Variants in ME1 observed in about 807,000 individuals in gnomAD.
The protein encoded by ME1 is NADP-dependent malic enzyme.
Under a neutral mutation model 66.4 loss-of-function variants are expected in ME1, and 74 were observed. The ratio of observed to expected loss-of-function variants is 1.11; its 90% CI spans 0.92 to 1.35. The LOEUF (loss-of-function observed/expected upper bound fraction) is 1.35, where lower values mean the gene tolerates loss of function less well. Among genes scored for constraint, ME1 ranks in the 40% most tolerant of loss-of-function variants. ME1 has a pLI of 0.00. For missense variants in ME1, 750 were observed against 694.1 expected (o/e 1.08, Z -0.90); for synonymous variants, 251 against 235.6 (o/e 1.07, Z -0.60).
intron 7 of ME1, among the ~76,000 whole-genome samples, chr6:83,247,181 T>C (rs1790639950): frequency 6.6e-6 from 1 of 152,150 alleles, no homozygotes; most frequent in South Asian, 2.1e-4. Context: ...TAGAGTGTCA[T>C]GTTACAGAGT....
chr6:83,400,520 A>G (rs1769818796), intron 2 of ME1, among the ~76,000 whole-genome samples: 1 of 152,162 alleles, frequency 6.6e-6, no homozygotes, highest in African/African-American at 2.4e-5. Flanking sequence ...TCTAACACTC[A>G]TGTGAAATAC....
chr6:83,280,343 G>A (rs1317820535), intron 6 of ME1, among the ~76,000 whole-genome samples: 1 of 152,108 alleles, frequency 6.6e-6, no homozygotes, highest in Non-Finnish European at 1.5e-5. Context: ...GGCCAGCAGG[G>A]AAGAACTGGA....
At chr6:83,363,686 G>C (rs960329439) in intron 3 of ME1, among the ~76,000 whole-genome samples, 8 of 152,222 alleles carry the variant, frequency 5.3e-5, no homozygotes, top group African/African-American at 1.9e-4. Flanking sequence ...TTGCAGAAAG[G>C]AGGACTGTAA....
chr6:83,422,325 C>T (rs909613065), intron 1 of ME1, among the ~76,000 whole-genome samples: 3 of 152,252 alleles, frequency 2.0e-5, no homozygotes, highest in South Asian at 2.1e-4. Flanking sequence ...ACAGGTGGGT[C>T]CAACTTGCAA....
intron 8 of ME1, among the ~76,000 whole-genome samples, chr6:83,239,135 C>T (rs1434967910): frequency 6.6e-6 from 1 of 151,886 alleles, no homozygotes; most frequent in Non-Finnish European, 1.5e-5. Context: ...TACATACATA[C>T]ACACTGAATT....
At chr6:83,381,124 G>C (rs946037506) in intron 3 of ME1, among the ~76,000 whole-genome samples, 1 of 151,986 alleles carries the variant, frequency 6.6e-6, no homozygotes, top group East Asian at 1.9e-4. Context: ...AAACACTGAG[G>C]AGCAGAAGGC....
At chr6:83,308,961 G>T (rs1437084822) in intron 6 of ME1, among the ~76,000 whole-genome samples, 1 of 152,038 alleles carries the variant, frequency 6.6e-6, no homozygotes, top group African/African-American at 2.4e-5. Context: ...GGCAGGTATG[G>T]TGAGGATGTC....
intron 6 of ME1, among the ~76,000 whole-genome samples, chr6:83,279,277 T>A (rs1207526785): frequency 6.6e-6 from 1 of 152,126 alleles, no homozygotes; most frequent in South Asian, 2.1e-4. Flanking sequence ...GCAGGTCTAA[T>A]TGTCAACAAA....
chr6:83,282,840 CAA>C (rs1434129329), intron 6 of ME1, among the ~76,000 whole-genome samples: 1 of 152,066 alleles, frequency 6.6e-6, no homozygotes, highest in East Asian at 1.9e-4. Flanking sequence ...TTCACAATAG[CAA>C]AGATATGGAA....
At chr6:83,283,927 A>G (rs770218771) in intron 6 of ME1, among the ~76,000 whole-genome samples, 47 of 152,350 alleles carry the variant, frequency 3.1e-4, no homozygotes, top group Non-Finnish European at 4.4e-4. Context: ...AATTCTGCAC[A>G]AAGAATCAAT....
chr6:83,364,178 C>A (rs954688505), intron 3 of ME1, among the ~76,000 whole-genome samples: 3 of 152,078 alleles, frequency 2.0e-5, no homozygotes, highest in Non-Finnish European at 4.4e-5. Flanking sequence ...GCCAGCATGG[C>A]TAGAATATAA....
chr6:83,409,621 T>A (rs1241527943), intron 1 of ME1, among the ~76,000 whole-genome samples: 1 of 152,206 alleles, frequency 6.6e-6, no homozygotes, highest in Non-Finnish European at 1.5e-5. Flanking sequence ...ATTAGCCTCC[T>A]GGGTTGAGGG....
intron 3 of ME1, among the ~76,000 whole-genome samples, chr6:83,356,768 G>A (rs1249774986): frequency 6.6e-6 from 1 of 151,938 alleles, no homozygotes; most frequent in Non-Finnish European, 1.5e-5. Context: ...CCTGAACTAT[G>A]ATTTAAATAG....
intron 6 of ME1, among the ~76,000 whole-genome samples, chr6:83,254,826 G>C (rs1766729722): frequency 6.6e-6 from 1 of 151,982 alleles, no homozygotes; most frequent in Non-Finnish European, 1.5e-5. Flanking sequence ...CTGATTTTAA[G>C]ACCACCTCCC....
intron 7 of ME1, among the ~76,000 whole-genome samples, chr6:83,249,230 T>C (rs1183850674): frequency 1.3e-5 from 2 of 151,836 alleles, no homozygotes; most frequent in African/African-American, 4.8e-5. Context: ...AATTATTATA[T>C]ATATACTTTT....
rs1210023608 is a variant in ME1 at position 83,266,703 on chromosome 6, T to C, written c.705-12965A>G. Among the ~76,000 whole-genome samples, 9 of 152,278 alleles carry C rather than the reference T, an allele frequency of 5.9e-5. No individual in the cohort carries two copies. In the South Asian group the frequency reaches 1.9e-3, roughly 32 times the overall value. On this transcript the variant is annotated intron_variant, in intron 6 of 13. Transcript: ENST00000369705. The stretch of plus-strand genomic sequence containing the variant: ...TTGAAGATATTTAAGCCCAAACTGT[T>C]TTAGAATTGCTTCCATTGGCACCGG...
At chr6:83,295,215 T>C (rs952541680) in intron 6 of ME1, among the ~76,000 whole-genome samples, 6 of 152,224 alleles carry the variant, frequency 3.9e-5, no homozygotes, top group Admixed American at 3.3e-4. Context: ...AAATAAAGAC[T>C]CTGCACAAAG....
intron 3 of ME1, among the ~76,000 whole-genome samples, chr6:83,391,616 G>A (rs1360510163): frequency 6.6e-6 from 1 of 151,854 alleles, no homozygotes; most frequent in Non-Finnish European, 1.5e-5. Flanking sequence ...AAGAGTAAAA[G>A]CCAATGTTCT....
chr6:83,315,932 A>C (rs186359789), intron 5 of ME1, among the ~76,000 whole-genome samples: 6 of 152,274 alleles, frequency 3.9e-5, no homozygotes, highest in African/African-American at 1.2e-4. Context: ...AAGAAAGAAA[A>C]ATAATTCCTA....
Sources: allele counts gnomAD v4.1 joint callset (sites outside exome capture counted in the v4.1 genomes callset), GRCh38; gene constraint gnomAD v4.1.1; transcripts MANE v1.5; gene names NCBI Gene and HGNC (gene_info 2026-07-23, HGNC 2026-07-21).